ZNF350: variants seen among roughly 807,000 people sequenced by gnomAD.
ZNF350 encodes the protein KRAB zinc finger protein ZFQR.
A neutral mutation model predicts 13.1 loss-of-function variants in ZNF350; 5 were observed. The observed-to-expected ratio is 0.38, with a 90% CI of 0.20 to 0.80. The LOEUF (loss-of-function observed/expected upper bound fraction) is 0.80. Ranked by LOEUF, ZNF350 falls within the 30% of genes least tolerant of loss-of-function variation. The probability of loss-of-function intolerance (pLI) is 0.43; values close to 1 mark genes in which losing one functional copy is unlikely to be tolerated. For synonymous variants in ZNF350, 199 were observed against 224.2 expected (o/e 0.89, Z 1.00); for missense variants, 534 against 644.2 (o/e 0.83, Z 1.85).
At chr19:51,982,694 T>C (rs2086072969) in intron 1 of ZNF350, among the ~76,000 whole-genome samples, 1 of 152,052 alleles carries the variant, frequency 6.6e-6, no homozygotes, top group African/African-American at 2.4e-5. Flanking sequence ...TTTTTAAAGT[T>C]TGAAAAAAAA....
At chr19:51,983,707 C>T (rs1208871458) in intron 1 of ZNF350, among the ~76,000 whole-genome samples, 2 of 152,140 alleles carry the variant, frequency 1.3e-5, no homozygotes, top group African/African-American at 2.4e-5. Context: ...GACCCTCTCC[C>T]CACCATTACC....
intron 1 of ZNF350, among the ~76,000 whole-genome samples, chr19:51,975,342 T>C (rs1414456497): frequency 4.6e-5 from 7 of 150,894 alleles, no homozygotes; most frequent in African/African-American, 1.7e-4. Context: ...GGCAGAAGAA[T>C]TGCTTGAATC....
intron 3 of ZNF350, 95 bp downstream of exon 3, chr19:51,968,910 T>C (rs1017309565): frequency 1.9e-6 from 3 of 1,611,704 alleles, no homozygotes; most frequent in Non-Finnish European, 2.5e-6. Context: ...ATCTACCACT[T>C]CAGAGTACTG....
chr19:51,969,188 G>A (rs1002194865), intron 2 of ZNF350, 57 bp from the exon 3 acceptor site: 1 of 1,584,966 alleles, frequency 6.3e-7, no homozygotes, highest in African/African-American at 1.4e-5. Context: ...TGGAAGAAAT[G>A]CTAAAGTTTT....
At chr19:51,975,871 C>CT (rs2085879854) in intron 1 of ZNF350, among the ~76,000 whole-genome samples, 1 of 152,214 alleles carries the variant, frequency 6.6e-6, no homozygotes, top group African/African-American at 2.4e-5. Context: ...TTACAGGCAC[C>CT]TGCTGCAGGG....
intron 1 of ZNF350, among the ~76,000 whole-genome samples, chr19:51,980,483 C>T (rs1013633755): frequency 8.5e-5 from 13 of 152,202 alleles, no homozygotes; most frequent in African/African-American, 2.4e-4. Context: ...TGGACACGCA[C>T]AGCTGACCAA....
chr19:51,985,854 A>G (rs893673985), intron 1 of ZNF350, among the ~76,000 whole-genome samples: 1 of 152,126 alleles, frequency 6.6e-6, no homozygotes, highest in Non-Finnish European at 1.5e-5. Context: ...TAAAAATACA[A>G]AAACTAGCCG....
Position 51,965,830 on chromosome 19 carries a change from C to T in ZNF350, c.623G>A (p.Cys208Tyr). 1.9e-6 allele frequency: 3 copies of T among 1,614,162 alleles called. No individual in the cohort carries two copies. The highest frequency in any genetic ancestry group is 2.5e-6 in the Non-Finnish European group (3 of 1,180,046). ...KTRKLEKHHV[C>Y]SECGKAFIKK... ...GATGAAGGCTTTCCCACATTCACTG[C>T]ACACATGATGCTTCTCTAATTTTCG... is the stretch of plus-strand genomic sequence containing the variant. The change falls in exon 5 of 5, where the codon TGC (cysteine) becomes TAC (tyrosine). Residue 208 changes from cysteine (C) to tyrosine (Y), a missense_variant. By Grantham distance (194) the Cys-to-Tyr change is radical. Transcript: ENST00000243644.
chr19:51,968,980 A>G (rs1463670471), intron 3 of ZNF350, 25 bp downstream of exon 3: 9 of 1,613,946 alleles, frequency 5.6e-6, no homozygotes, highest in Non-Finnish European at 7.6e-6. Flanking sequence ...GCACCCTCTG[A>G]GTGACACAGG....
At chr19:51,968,782 AT>A in intron 3 of ZNF350, 109 bp from the exon 4 acceptor site, 1 of 1,430,600 alleles carries the variant, frequency 7.0e-7, no homozygotes. Flanking sequence ...AATACCCAAA[AT>A]TTAGTTTCTT....
intron 1 of ZNF350, among the ~76,000 whole-genome samples, chr19:51,981,567 A>G (rs2086046173): frequency 6.6e-6 from 1 of 152,180 alleles, no homozygotes; most frequent in African/African-American, 2.4e-5. Flanking sequence ...TGCGGTTATT[A>G]TAGTTGATAT....
chr19:51,965,031 GT>G lies in ZNF350; in HGVS notation c.1421del (p.Asn474ThrfsTer11). The G allele has an allele frequency of 6.2e-7, 1 of 1,614,190 alleles. No homozygotes were observed. Among genetic ancestry groups the G allele is most frequent in the South Asian group, 1.1e-5 (1 of 91,082 alleles). On this transcript the variant is annotated frameshift_variant, in exon 5 of 5. Transcript: ENST00000243644. LOFTEE classifies it low-confidence loss of function (END_TRUNC). ...TCCTGTTTGCGAGGAGGCCGCTGAT[GT>G]TTAATGATGTCTGAGGGGCCACAGA... ...VPSVAPQTSL[N>X]ISGLLANRNV...
intron 1 of ZNF350, among the ~76,000 whole-genome samples, chr19:51,982,696 G>GA (rs1303824364): frequency 6.6e-6 from 1 of 151,228 alleles, no homozygotes; most frequent in African/African-American, 2.4e-5. Flanking sequence ...TTTAAAGTTT[G>GA]AAAAAAAAGT....
intron 1 of ZNF350, chr19:51,986,497 G>A (rs1308905647): frequency 1.3e-5 from 2 of 152,268 alleles, no homozygotes; most frequent in African/African-American, 2.4e-5. Flanking sequence ...TTTACAAGCA[G>A]AGTGATCCAT....
At position 51,964,753 on chromosome 19, in the gene ZNF350, A is replaced by T. The variant is rs747611134; in HGVS notation, c.*101T>A. ...TTTAATAGGATGAGTTTATCAGGCTATCTCAGCCTTATACATGTTCTCTCA... is the reference window on the plus strand; with the variant it reads ...TTTAATAGGATGAGTTTATCAGGCTTTCTCAGCCTTATACATGTTCTCTCA... On this transcript the variant is annotated 3_prime_UTR_variant, in exon 5 of 5. Coordinates refer to ENST00000243644, the MANE Select transcript of ZNF350 (RefSeq NM_021632.4). The T allele has an allele frequency of 3.0e-6, 4 of 1,341,768 alleles. No homozygotes were observed. In the South Asian group the frequency reaches 5.7e-5, roughly 19 times the overall value. The allele number at this position is 1,341,768 out of a possible 1,614,324, so 83.1% of individuals were successfully genotyped here.
Position 51,964,962 on chromosome 19 carries a change from T to C in ZNF350, c.1491A>G (p.Ser497=), listed in dbSNP as rs2085521935. 6.2e-7 allele frequency: 1 copy of C among 1,614,226 alleles called. No individual in the cohort carries two copies. Among genetic ancestry groups the C allele is most frequent in the African/African-American group, 1.3e-5 (1 of 75,052 alleles). ...VGQPVVRCAA[S]GDNRGFAQDR... Reference sequence around the variant, plus strand: ...CCTGTGCAAATCCTCTGTTATCTCCTGAGGCTGCACATCTGACCACTGGCT... The same window carrying C: ...CCTGTGCAAATCCTCTGTTATCTCCCGAGGCTGCACATCTGACCACTGGCT... Residue 497 remains serine, a synonymous_variant, in exon 5 of 5, where the codon TCA becomes TCG. Transcript: ENST00000243644.
In ZNF350 at chr19:51,965,430, T is replaced by C. The variant is rs533676264; in HGVS notation, c.1023A>G (p.Thr341=). ...CACTGCACACAAAGGGCGTCTTTCC[T>C]GTGTGAAATCTCTGATGTGCTATGA... The part of the protein sequence containing the change: ...TCLIAHQRFH[T]GKTPFVCSEC... Residue 341 remains threonine (T), a synonymous_variant, in exon 5 of 5, where the codon ACA becomes ACG. Coordinates refer to ENST00000243644, the MANE Select transcript of ZNF350 (RefSeq NM_021632.4). The C allele has an allele frequency of 3.1e-6, 5 of 1,614,218 alleles. No homozygotes were observed. In the East Asian group the frequency reaches 1.1e-4, roughly 36 times the overall value.
chr19:51,980,477 C>T (rs1468835657), intron 1 of ZNF350, among the ~76,000 whole-genome samples: 1 of 152,188 alleles, frequency 6.6e-6, no homozygotes, highest in African/African-American at 2.4e-5. Context: ...GAGAACTGGA[C>T]ACGCACAGCT....
At chr19:51,968,720 G>T (rs1341820017) in intron 3 of ZNF350, 47 bp from the exon 4 acceptor site, 66 of 1,571,060 alleles carry the variant, frequency 4.2e-5, no homozygotes, top group Non-Finnish European at 5.5e-5. Context: ...AAATTGGGCT[G>T]GCAATGTCAA....
Sources: gnomAD v4.1 joint callset for allele counts (sites outside exome capture counted in the v4.1 genomes callset) on GRCh38, gnomAD v4.1.1 for gene constraint, MANE v1.5 for transcripts, NCBI Gene and HGNC (gene_info 2026-07-23, HGNC 2026-07-21) for gene names.